The following CCDC32 variants were observed in gnomAD, a reference collection of about 807,000 sequenced individuals.
CCDC32 encodes coiled-coil domain-containing protein 32.
CCDC32 carries 9 observed loss-of-function variants against 20.1 expected under a neutral mutation model. That is an observed-to-expected ratio of 0.45 (90% CI 0.27 to 0.78). The LOEUF (loss-of-function observed/expected upper bound fraction) is 0.78, where lower values mean the gene tolerates loss of function less well. CCDC32 is among the 30% of genes least tolerant of loss of function. The probability of loss-of-function intolerance (pLI) is 0.16; values close to 1 mark genes in which losing one functional copy is unlikely to be tolerated. For missense variants in CCDC32, 204 were observed against 215.5 expected, an observed-to-expected ratio of 0.95 and a Z score of 0.33; for synonymous variants, 63 against 79.0, an observed-to-expected ratio of 0.80 and a Z score of 1.07.
At chr15:40,543,063 G>T (rs1376855865) in intron 3 of CCDC32, among the ~76,000 whole-genome samples, 1 of 150,986 alleles carries the variant, frequency 6.6e-6, no homozygotes, top group Non-Finnish European at 1.5e-5. Flanking sequence ...GACAGCTTGA[G>T]CCCGGGAGGT....
At chr15:40,551,804 T>G (rs1889878808), downstream of CCDC32, among the ~76,000 whole-genome samples, 1 of 94,314 alleles carries the variant, frequency 1.1e-5, no homozygotes. Context: ...AGTGAGACCC[T>G]GTCTCAAAAA....
intron 1 of CCDC32, chr15:40,564,618 G>T: frequency 9.1e-7 from 1 of 1,093,896 alleles, no homozygotes; most frequent in Non-Finnish European, 1.4e-6. Context: ...TCTGAATAAT[G>T]CCAGGAGACA....
chr15:40,546,269 G>A (rs1370956146), intron 3 of CCDC32, among the ~76,000 whole-genome samples: 1 of 150,026 alleles, frequency 6.7e-6, no homozygotes, highest in Non-Finnish European at 1.5e-5. Flanking sequence ...TTGGCTCACT[G>A]CAACCTCCGC....
At chr15:40,529,339 A>C (rs1333456209) in intron 3 of CCDC32, among the ~76,000 whole-genome samples, 3 of 152,186 alleles carry the variant, frequency 2.0e-5, no homozygotes, top group African/African-American at 4.8e-5. Context: ...ACCTTTCCTC[A>C]GTCTTTTTAT....
downstream of CCDC32, among the ~76,000 whole-genome samples, chr15:40,551,134 C>T (rs994661567): frequency 1.3e-5 from 2 of 152,086 alleles, no homozygotes; most frequent in Non-Finnish European, 2.9e-5. Flanking sequence ...TGTAATCCCA[C>T]CACTTTGGGA....
chr15:40,563,511 G>A, intron 1 of CCDC32, among the ~76,000 whole-genome samples: 1 of 152,168 alleles, frequency 6.6e-6, no homozygotes, highest in Non-Finnish European at 1.5e-5. Context: ...GGGCTGGGAG[G>A]TAGAAAGAAT....
At chr15:40,557,415 A>T (rs748212493) in intron 2 of CCDC32, 43 bp from the exon 3 acceptor site, 1 of 1,545,568 alleles carries the variant, frequency 6.5e-7, no homozygotes, top group South Asian at 1.2e-5. Context: ...TGAGCATGAC[A>T]TGAAATTTTA....
At chr15:40,532,744 G>T (rs1595882776), downstream of CCDC32, among the ~76,000 whole-genome samples, 1 of 111,492 alleles carries the variant, frequency 9.0e-6, no homozygotes, top group African/African-American at 3.4e-5. Context: ...TTTTTTGAGA[G>T]AGAATCTCAC....
Position 40,557,569 on chromosome 15 carries a change from T to G in CCDC32, c.245-197A>C, listed in dbSNP as rs1890334228. ...TTTTTCCTTCACAAAGTCCTCACCC[T>G]GCATTGTATCAAATAAATGTTTAAC... is the stretch of plus-strand genomic sequence containing the variant. On this transcript the variant is annotated intron_variant, in intron 2 of 3. Coordinates refer to ENST00000416810, the MANE Select transcript of CCDC32 (RefSeq NM_001080792.4). 43 of 494,140 alleles carry G rather than the reference T, an allele frequency of 8.7e-5. No homozygotes were observed. The South Asian group carries it at 1.1e-3, about 12-fold the overall frequency. 30.6% of individuals were successfully genotyped at this position (494,140 alleles called of 1,614,324 possible). A position where few individuals can be genotyped will look rare whatever the true frequency, so the allele number is the denominator to read the frequency against.
downstream of CCDC32, among the ~76,000 whole-genome samples, chr15:40,551,637 C>T (rs528362432): frequency 6.6e-6 from 1 of 151,674 alleles, no homozygotes; most frequent in South Asian, 2.1e-4. Context: ...GGCGAAATCC[C>T]ATCTCTACAA....
At chr15:40,539,170 C>A (rs1027014183), downstream of CCDC32, 9 of 1,370,208 alleles carry the variant, frequency 6.6e-6, no homozygotes, top group Admixed American at 3.9e-5. Context: ...CCCGCTCAAA[C>A]CTGACACCAC....
intron 3 of CCDC32, among the ~76,000 whole-genome samples, chr15:40,542,405 G>T (rs1595886505): frequency 1.3e-5 from 2 of 152,048 alleles, no homozygotes; most frequent in Admixed American, 6.6e-5. Flanking sequence ...CAAATAACTC[G>T]ATCTGAGCCT....
At chr15:40,534,718 T>G, downstream of CCDC32, 1 of 593,962 alleles carries the variant, frequency 1.7e-6, no homozygotes, top group Non-Finnish European at 3.0e-6. Context: ...TAGCTAGGTC[T>G]CTGGCCCCTT....
chr15:40,539,054 C>T (rs77647585), downstream of CCDC32: 1,366 of 601,192 alleles, frequency 2.3e-3, 15 homozygotes, highest in African/African-American at 0.023. Flanking sequence ...TTGGCTCTCT[C>T]GCCAGCTGTC....
downstream of CCDC32, among the ~76,000 whole-genome samples, chr15:40,526,510 T>C (rs1276034363): frequency 6.6e-6 from 1 of 152,216 alleles, no homozygotes; most frequent in Non-Finnish European, 1.5e-5. Flanking sequence ...ATTGTCTCCA[T>C]ATACTTTTCC....
At chr15:40,522,591 A>G in the CCDC32 span, among the ~76,000 whole-genome samples, 1 of 152,240 alleles carries the variant, frequency 6.6e-6, no homozygotes, top group Admixed American at 6.5e-5. Flanking sequence ...ATCAATGAAC[A>G]TAGAACGTCT....
At chr15:40,558,927 C>T (rs1299499764) in intron 2 of CCDC32, among the ~76,000 whole-genome samples, 1 of 151,570 alleles carries the variant, frequency 6.6e-6, no homozygotes, top group Non-Finnish European at 1.5e-5. Context: ...CCTCAGCCTC[C>T]CAAGTAGCTG....
At chr15:40,541,688 T>G (rs1889402290) in intron 3 of CCDC32, among the ~76,000 whole-genome samples, 1 of 152,216 alleles carries the variant, frequency 6.6e-6, no homozygotes. Context: ...CTACCCACAG[T>G]GGACCTACTC....
At chr15:40,539,286 A>G (rs1202459535) in exon 4 of CCDC32, 1 of 1,535,516 alleles carries the variant, frequency 6.5e-7, no homozygotes, top group East Asian at 2.4e-5. Context: ...TCTGCTCAGC[A>G]CACTGGTGGC....
Sources: gnomAD v4.1 joint callset for allele counts (sites outside exome capture counted in the v4.1 genomes callset) on GRCh38, gnomAD v4.1.1 for gene constraint, MANE v1.5 for transcripts, NCBI Gene and HGNC (gene_info 2026-07-23, HGNC 2026-07-21) for gene names.